GPC4: variants seen among roughly 807,000 people sequenced by gnomAD.
GPC4 encodes glypican-4.
Under a neutral mutation model 35.0 loss-of-function variants are expected in GPC4, and 10 were observed. The ratio of observed to expected loss-of-function variants is 0.29; its 90% CI spans 0.18 to 0.48. The LOEUF (loss-of-function observed/expected upper bound fraction) is 0.48, where lower values mean the gene tolerates loss of function less well. Ranked by LOEUF, GPC4 falls within the 20% of genes least tolerant of loss-of-function variation. GPC4 has a pLI of 0.99. For missense variants in GPC4, 322 were observed against 451.3 expected, an observed-to-expected ratio of 0.71 and a Z score of 2.60; for synonymous variants, 167 against 170.2, an observed-to-expected ratio of 0.98 and a Z score of 0.15.
Position 133,413,853 on chromosome X carries a change from C to G in GPC4, c.160+953G>C, listed in dbSNP as rs1236331273. The stretch of plus-strand genomic sequence containing the variant: ...GCTGGGAGGGACGCAGGGCACCCGC[C>G]GAACGCTGCCTCCCCAGCGCTCCGA... On this transcript the variant is annotated intron_variant, in intron 1 of 8. Coordinates refer to ENST00000370828, the MANE Select transcript of GPC4 (RefSeq NM_001448.3). Among the ~76,000 whole-genome samples, 3 of 111,737 alleles carry G rather than the reference C, an allele frequency of 2.7e-5. No individual in the cohort carries two copies. The East Asian group carries it at 8.6e-4, about 32-fold the overall frequency.
intron 8 of GPC4, 44 bp from the exon 9 acceptor site, chrX:133,303,113 C>G: frequency 3.3e-6 from 4 of 1,206,735 alleles, no homozygotes; most frequent in Non-Finnish European, 4.5e-6. Flanking sequence ...TCCACTTGTT[C>G]TCATCAGAAG....
Position 133,311,637 on chromosome X carries a change from C to A in GPC4, c.712-214G>T, listed in dbSNP as rs539336703. 27 of 441,476 alleles carry A rather than the reference C, an allele frequency of 6.1e-5. 1 individual carries two copies. The South Asian group carries it at 8.3e-4, about 14-fold the overall frequency. 36.4% of individuals were successfully genotyped at this position (441,476 alleles called of 1,213,427 possible). A position where few individuals can be genotyped will look rare whatever the true frequency, so the allele number is the denominator to read the frequency against. ...GAGGAGGGAGATGACCCAAAACAAA[C>A]AAGGTGCACCAACTCCCACCCTGTA... On this transcript the variant is annotated intron_variant, in intron 3 of 8. Coordinates refer to ENST00000370828, the MANE Select transcript of GPC4 (RefSeq NM_001448.3).
rs2068267275 is a variant in GPC4, at chrX:133,301,596, T to C, written c.*1271A>G. 9.2e-6 allele frequency: 1 copy of C among 108,621 alleles called. No individual in the cohort carries two copies. Among genetic ancestry groups the C allele is most frequent in the South Asian group, 4.2e-4 (1 of 2,363 alleles). The allele number at this position is 108,621 out of a possible 1,213,427, so 9.0% of individuals were successfully genotyped here. A position where few individuals can be genotyped will look rare whatever the true frequency, so the allele number is the denominator to read the frequency against. ...CCAAGAAAAACAACACATACAAAAA[T>C]CTGGACACCTAGTTCTCCCCTAAGT... On this transcript the variant is annotated 3_prime_UTR_variant, in exon 9 of 9. Transcript: ENST00000370828.
chrX:133,369,769 T>C (rs1345848951), intron 1 of GPC4, among the ~76,000 whole-genome samples: 1 of 111,607 alleles, frequency 9.0e-6, no homozygotes, highest in Non-Finnish European at 1.9e-5. Context: ...TTTAAATAAA[T>C]CATTTTCATC....
chrX:133,348,306 G>A (rs968330671), intron 1 of GPC4, among the ~76,000 whole-genome samples: 1 of 112,393 alleles, frequency 8.9e-6, no homozygotes, highest in Non-Finnish European at 1.9e-5. Flanking sequence ...CTTTGACCTT[G>A]TGTTGCCATC....
At chrX:133,330,792 A>T (rs1372260845) in intron 2 of GPC4, among the ~76,000 whole-genome samples, 1 of 110,349 alleles carries the variant, frequency 9.1e-6, no homozygotes, top group East Asian at 2.9e-4. Flanking sequence ...AAATTTAAAA[A>T]CTTAGCCAGG....
chrX:133,370,620 A>G (rs2068608633), intron 1 of GPC4, among the ~76,000 whole-genome samples: 1 of 111,341 alleles, frequency 9.0e-6, no homozygotes, highest in Non-Finnish European at 1.9e-5. Context: ...CCAGGCTTAC[A>G]CAACAGATGC....
At position 133,306,127 on chromosome X, in the gene GPC4, A is replaced by G; in HGVS notation, c.905T>C (p.Leu302Pro). Residue 302 changes from leucine (L) to proline (P), a missense_variant, in exon 5 of 9, where the codon CTA becomes CCA. Physicochemically the swap from Leu to Pro is moderately conservative, Grantham distance 98. This residue lies in a region of GPC4 where 163 missense variants were observed against 277.2 expected (regional missense o/e 0.59). Transcript: ENST00000370828. ...IDAMLMVAERLEGPFNIESVM... is the reference protein window; with the variant it reads ...IDAMLMVAERPEGPFNIESVM... ...CGATTCAATGTTGAAAGGACCCTCTAGCCTCTCTGCCACCATCAGCATAGC... is the reference window on the plus strand; with the variant it reads ...CGATTCAATGTTGAAAGGACCCTCTGGCCTCTCTGCCACCATCAGCATAGC... 1 of 1,211,177 alleles carries G rather than the reference A, an allele frequency of 8.3e-7. No homozygotes were observed. Among genetic ancestry groups the G allele is most frequent in the Non-Finnish European group, 1.1e-6 (1 of 895,084 alleles).
chrX:133,388,687 G>A (rs922207332), intron 1 of GPC4, among the ~76,000 whole-genome samples: 7 of 109,957 alleles, frequency 6.4e-5, no homozygotes, highest in African/African-American at 2.0e-4. Context: ...TAGTAGAGAC[G>A]GGGTATCACC....
chrX:133,392,884 C>T (rs1422332612), intron 1 of GPC4, among the ~76,000 whole-genome samples: 1 of 110,662 alleles, frequency 9.0e-6, no homozygotes, highest in East Asian at 2.8e-4. Flanking sequence ...GATTTCTTTC[C>T]AGGACCCGTT....
At chrX:133,322,213 G>A (rs948199561) in intron 3 of GPC4, among the ~76,000 whole-genome samples, 13 of 111,302 alleles carry the variant, frequency 1.2e-4, no homozygotes, top group African/African-American at 4.3e-4. Flanking sequence ...GGAGGCAGAG[G>A]CAGTCAGATC....
chrX:133,404,202 T>C (rs908560731), intron 1 of GPC4, among the ~76,000 whole-genome samples: 6 of 111,282 alleles, frequency 5.4e-5, no homozygotes, highest in African/African-American at 2.0e-4. Flanking sequence ...CAGCAGGTAG[T>C]ACAGTATCAG....
At chrX:133,411,266 A>G (rs1405316969) in intron 1 of GPC4, among the ~76,000 whole-genome samples, 1 of 112,213 alleles carries the variant, frequency 8.9e-6, no homozygotes, top group East Asian at 2.8e-4. Flanking sequence ...AGTTCTGAGT[A>G]TCATTCAATG....
intron 1 of GPC4, among the ~76,000 whole-genome samples, chrX:133,390,987 A>T (rs1335885094): frequency 1.8e-5 from 2 of 112,092 alleles, no homozygotes; most frequent in African/African-American, 6.5e-5. Context: ...ATAGGAAAAA[A>T]GAAATCAGCC....
intron 2 of GPC4, 148 bp downstream of exon 2, chrX:133,339,035 C>T (rs2068455524): frequency 4.1e-6 from 2 of 491,634 alleles, no homozygotes; most frequent in South Asian, 7.9e-5. Context: ...GTATTCTAGC[C>T]ATAAAGCTAC....
At chrX:133,366,356 C>G (rs1324002388) in intron 1 of GPC4, among the ~76,000 whole-genome samples, 1 of 111,704 alleles carries the variant, frequency 9.0e-6, no homozygotes, top group Non-Finnish European at 1.9e-5. Flanking sequence ...TACTGTCTCA[C>G]TTATAGAGCA....
At chrX:133,304,605 G>T in intron 7 of GPC4, 120 bp downstream of exon 7, 1 of 834,828 alleles carries the variant, frequency 1.2e-6, no homozygotes, top group Non-Finnish European at 1.7e-6. Flanking sequence ...CTTCCATGTT[G>T]TTGCTACCTA....
At chrX:133,411,717 T>C (rs955169771) in intron 1 of GPC4, among the ~76,000 whole-genome samples, 2 of 111,622 alleles carry the variant, frequency 1.8e-5, no homozygotes, top group Non-Finnish European at 3.8e-5. Context: ...ATACTGCACA[T>C]AGTGGGCGCT....
intron 1 of GPC4, among the ~76,000 whole-genome samples, chrX:133,368,287 T>C (rs2068598485): frequency 1.8e-5 from 2 of 111,961 alleles, no homozygotes. Flanking sequence ...TGGCAGCATA[T>C]GAAGTTTTAC....
Sources: gnomAD v4.1 joint callset for allele counts (sites outside exome capture counted in the v4.1 genomes callset) on GRCh38, gnomAD v4.1.1 for gene constraint, gnomAD v4.1.1 regional missense constraint, MANE v1.5 for transcripts, NCBI Gene and HGNC (gene_info 2026-07-23, HGNC 2026-07-21) for gene names.